Variants in CDH2 observed in about 807,000 individuals in gnomAD.
The protein encoded by CDH2 is cadherin 2.
Under a neutral mutation model 92.0 loss-of-function variants are expected in CDH2, and 17 were observed. The ratio of observed to expected loss-of-function variants is 0.18; its 90% confidence interval spans 0.13 to 0.28. The LOEUF is 0.28. CDH2 is among the 10% of genes least tolerant of loss of function. The pLI, the probability that CDH2 is intolerant of heterozygous loss-of-function variation, is 1.00. For missense variants in CDH2, 862 were observed against 1,133.1 expected (o/e 0.76, Z 3.44); for synonymous variants, 419 against 415.9 (o/e 1.01, Z -0.09).
chr18:27,990,380 G>A (rs755003426), intron 9 of CDH2, 30 bp from the exon 10 acceptor site: 1 of 1,591,856 alleles, frequency 6.3e-7, no homozygotes, highest in Admixed American at 1.7e-5. Flanking sequence ...CCATATTTTT[G>A]CAGGAAATAA....
chr18:28,172,966 T>C (rs2016486730), intron 1 of CDH2, among the ~76,000 whole-genome samples: 1 of 152,156 alleles, frequency 6.6e-6, no homozygotes, highest in Admixed American at 6.5e-5. Context: ...ATTTCCCTAT[T>C]AATAACCCTA....
At chr18:27,975,993 TG>T (rs2011815241) in intron 14 of CDH2, among the ~76,000 whole-genome samples, 1 of 152,158 alleles carries the variant, frequency 6.6e-6, no homozygotes. Flanking sequence ...CGGCTGAGTC[TG>T]GGGTCCTTAT....
intron 2 of CDH2, among the ~76,000 whole-genome samples, chr18:28,014,783 G>A (rs1175043144): frequency 6.6e-6 from 1 of 150,974 alleles, no homozygotes; most frequent in Non-Finnish European, 1.5e-5. Flanking sequence ...TGTCTCAACA[G>A]GTAATAAAAC....
intron 2 of CDH2, among the ~76,000 whole-genome samples, chr18:28,045,074 T>C (rs1426020619): frequency 6.6e-6 from 1 of 152,194 alleles, no homozygotes; most frequent in African/African-American, 2.4e-5. Context: ...CACATTCCTC[T>C]GAGCCTGGGT....
At chr18:28,055,361 A>G (rs2014271438) in intron 2 of CDH2, among the ~76,000 whole-genome samples, 1 of 152,186 alleles carries the variant, frequency 6.6e-6, no homozygotes, top group Admixed American at 6.5e-5. Context: ...CAGCCAATCC[A>G]TATCACTAGG....
intron 1 of CDH2, among the ~76,000 whole-genome samples, chr18:28,164,472 C>T (rs373130492): frequency 1.3e-5 from 2 of 152,150 alleles, no homozygotes; most frequent in African/African-American, 4.8e-5. Context: ...TGCATCTAAT[C>T]GTCAATAAAC....
chr18:28,087,990 C>T (rs1465022648), intron 2 of CDH2, among the ~76,000 whole-genome samples: 3 of 152,138 alleles, frequency 2.0e-5, no homozygotes, highest in Non-Finnish European at 4.4e-5. Flanking sequence ...GAAATTTACA[C>T]AGACAAGCTC....
intron 2 of CDH2, among the ~76,000 whole-genome samples, chr18:28,066,600 T>C (rs2014512199): frequency 6.6e-6 from 1 of 152,168 alleles, no homozygotes; most frequent in Non-Finnish European, 1.5e-5. Flanking sequence ...ACTAATTCTC[T>C]TTTTAGATTA....
intron 2 of CDH2, among the ~76,000 whole-genome samples, chr18:28,016,899 TTC>T (rs1490327634): frequency 5.9e-5 from 9 of 152,350 alleles, no homozygotes; most frequent in African/African-American, 1.9e-4. Flanking sequence ...TTGTTTTTAA[TTC>T]TGTTTATATG....
chr18:27,997,765 T>C (rs927964132), intron 7 of CDH2, among the ~76,000 whole-genome samples: 1 of 151,990 alleles, frequency 6.6e-6, no homozygotes, highest in Non-Finnish European at 1.5e-5. Context: ...AATAACAATG[T>C]CACCGAAACT....
At chr18:28,045,710 C>T (rs2014061697) in intron 2 of CDH2, 2 of 185,250 alleles carry the variant, frequency 1.1e-5, no homozygotes, top group Non-Finnish European at 2.3e-5. Context: ...TAAATGCTTC[C>T]ATCACAGCAC....
At chr18:28,020,096 C>G (rs762621267) in intron 2 of CDH2, among the ~76,000 whole-genome samples, 2 of 152,054 alleles carry the variant, frequency 1.3e-5, no homozygotes, top group African/African-American at 4.8e-5. Flanking sequence ...ATCCACTGGT[C>G]AAGGTTTATT....
At chr18:28,097,491 G>A (rs934057155) in intron 2 of CDH2, among the ~76,000 whole-genome samples, 3 of 151,792 alleles carry the variant, frequency 2.0e-5, no homozygotes, top group African/African-American at 7.3e-5. Flanking sequence ...CATTTCTAAA[G>A]TACAGTTGAC....
chr18:28,174,181 G>A (rs890389350), intron 1 of CDH2, among the ~76,000 whole-genome samples: 1 of 151,688 alleles, frequency 6.6e-6, no homozygotes, highest in Non-Finnish European at 1.5e-5. Flanking sequence ...AGGGTGCTCC[G>A]TATCTGCACT....
intron 14 of CDH2, among the ~76,000 whole-genome samples, chr18:27,971,386 A>G (rs906308556): frequency 4.6e-5 from 7 of 151,852 alleles, no homozygotes; most frequent in African/African-American, 1.5e-4. Context: ...TAGAATATCA[A>G]TAACTTTCCA....
intron 1 of CDH2, among the ~76,000 whole-genome samples, chr18:28,171,051 T>G (rs1454270964): frequency 6.6e-6 from 1 of 151,854 alleles, no homozygotes; most frequent in African/African-American, 2.4e-5. Context: ...CTTGCCAACA[T>G]GGTGAAACCT....
intron 1 of CDH2, among the ~76,000 whole-genome samples, chr18:28,165,735 T>A (rs1440841290): frequency 1.3e-5 from 2 of 151,864 alleles, no homozygotes; most frequent in Non-Finnish European, 2.9e-5. Flanking sequence ...TTTTTCTTTT[T>A]TTCAGAGTCC....
At chr18:28,016,731 A>G (rs745629648) in intron 2 of CDH2, among the ~76,000 whole-genome samples, 8 of 152,296 alleles carry the variant, frequency 5.3e-5, no homozygotes, top group Non-Finnish European at 7.3e-5. Flanking sequence ...AGTCACTCAT[A>G]TCTAAAGCTT....
chr18:28,035,788 T>C (rs1469181553), intron 2 of CDH2, among the ~76,000 whole-genome samples: 5 of 152,092 alleles, frequency 3.3e-5, no homozygotes, highest in Non-Finnish European at 5.9e-5. Context: ...GTCCATTCCA[T>C]GCCTGAATAT....
Sources: gnomAD v4.1 joint callset for allele counts (sites outside exome capture counted in the v4.1 genomes callset) on GRCh38, gnomAD v4.1.1 for gene constraint, MANE v1.5 for transcripts, NCBI Gene and HGNC (gene_info 2026-07-23, HGNC 2026-07-21) for gene names.